The following FHIT variants were observed in gnomAD, a reference collection of about 807,000 sequenced individuals.
FHIT encodes bis(5'-adenosyl)-triphosphatase.
Under a neutral mutation model 17.9 loss-of-function variants are expected in FHIT, and 19 were observed. The observed-to-expected ratio is 1.06, with a 90% confidence interval of 0.74 to 1.56. FHIT has a LOEUF of 1.56. Ranked by LOEUF, FHIT falls within the 40% of genes most tolerant of loss-of-function variation. FHIT has a pLI of 0.00. For synonymous variants in FHIT, 81 were observed against 69.7 expected (o/e 1.16, Z -0.81); for missense variants, 248 against 189.2 (o/e 1.31, Z -1.82).
At chr3:60,679,629 CTTAA>C (rs1485639277) in intron 4 of FHIT, among the ~76,000 whole-genome samples, 1 of 151,918 alleles carries the variant, frequency 6.6e-6, no homozygotes, top group African/African-American at 2.4e-5. Flanking sequence ...ATTTAGAGTA[CTTAA>C]TTATTCTATA....
At chr3:61,035,852 T>C (rs1392565483) in intron 3 of FHIT, among the ~76,000 whole-genome samples, 1 of 152,236 alleles carries the variant, frequency 6.6e-6, no homozygotes, top group Non-Finnish European at 1.5e-5. Context: ...CTCACTCTTC[T>C]GGCTCCTCAG....
chr3:60,823,315 C>T (rs926341606), intron 3 of FHIT, among the ~76,000 whole-genome samples: 3 of 152,142 alleles, frequency 2.0e-5, no homozygotes, highest in African/African-American at 7.2e-5. Context: ...CCCTCCCCAT[C>T]AGGAAAAAAG....
At chr3:61,021,913 C>T (rs945274852) in intron 3 of FHIT, among the ~76,000 whole-genome samples, 3 of 152,006 alleles carry the variant, frequency 2.0e-5, no homozygotes, top group Admixed American at 6.6e-5. Flanking sequence ...AAAATCGACA[C>T]CCTAACCTCA....
chr3:60,756,099 C>A (rs1553718197), intron 4 of FHIT, among the ~76,000 whole-genome samples: 1 of 152,184 alleles, frequency 6.6e-6, no homozygotes, highest in Admixed American at 6.5e-5. Flanking sequence ...ATACCTGGCA[C>A]AGAGAATGCA....
chr3:60,600,359 T>TTA (rs1553668328), intron 4 of FHIT, among the ~76,000 whole-genome samples: 206 of 22,048 alleles, frequency 9.3e-3, no homozygotes, highest in African/African-American at 0.091. Context: ...TTGTTTTCAT[T>TTA]TGTGTAAGAA....
intron 2 of FHIT, among the ~76,000 whole-genome samples, chr3:61,099,036 T>A (rs1325927981): frequency 6.6e-6 from 1 of 152,208 alleles, no homozygotes; most frequent in Non-Finnish European, 1.5e-5. Flanking sequence ...GCCCATTTAG[T>A]ATGATGTTGG....
At position 60,776,157 on chromosome 3, in the gene FHIT, G is replaced by A. The variant is rs78763729; in HGVS notation, c.-18+45762C>T. On this transcript the variant is annotated intron_variant, in intron 4 of 9. Transcript: ENST00000492590. ...ATCTTGTTTTATATCCTGAGGGCAT[G>A]GCTGGTAATTGTGGCAAGGATTTGT... 9.7e-3 allele frequency among the ~76,000 whole-genome samples: 1,473 copies of A among 152,268 alleles called. 11 individuals carry two copies. Among genetic ancestry groups the A allele is most frequent in the Middle Eastern group, 0.014 (4 of 294 alleles).
At chr3:60,710,952 G>C (rs2041510872) in intron 4 of FHIT, among the ~76,000 whole-genome samples, 1 of 152,226 alleles carries the variant, frequency 6.6e-6, no homozygotes, top group Admixed American at 6.5e-5. Context: ...GGAGATCTGA[G>C]AATGGGCAGA....
intron 5 of FHIT, among the ~76,000 whole-genome samples, chr3:60,289,731 C>T (rs1327892188): frequency 6.6e-6 from 1 of 152,070 alleles, no homozygotes; most frequent in Non-Finnish European, 1.5e-5. Context: ...AATGATGTTC[C>T]GTGTTCTCCC....
rs1417543610 is a variant in FHIT, at chr3:59,771,228, C to G, written c.349-18907G>C. Among the ~76,000 whole-genome samples, 3 of 152,152 alleles carry G rather than the reference C, an allele frequency of 2.0e-5. No homozygotes were observed. In the East Asian group the frequency reaches 5.8e-4, roughly 30 times the overall value. On this transcript the variant is annotated intron_variant, in intron 8 of 9. Transcript: ENST00000492590. Reference sequence around the variant, plus strand: ...ATGAATCGAATTGCAGAAGGAAGAACAGGTGGGCTTTCCCAAGATGTCATA... The same window carrying G: ...ATGAATCGAATTGCAGAAGGAAGAAGAGGTGGGCTTTCCCAAGATGTCATA...
intron 7 of FHIT, among the ~76,000 whole-genome samples, chr3:59,987,313 G>C (rs1227228274): frequency 6.6e-6 from 1 of 151,586 alleles, no homozygotes; most frequent in Admixed American, 6.6e-5. Context: ...GTATAAATGA[G>C]CTTGGCTGTG....
At chr3:60,540,745 C>T (rs2036159934) in intron 4 of FHIT, among the ~76,000 whole-genome samples, 1 of 152,150 alleles carries the variant, frequency 6.6e-6, no homozygotes, top group African/African-American at 2.4e-5. Flanking sequence ...AGACAGAGAG[C>T]TGTGCAAATG....
intron 5 of FHIT, among the ~76,000 whole-genome samples, chr3:60,099,599 C>T (rs966075347): frequency 6.6e-6 from 1 of 152,132 alleles, no homozygotes; most frequent in Non-Finnish European, 1.5e-5. Flanking sequence ...TTCTGAATGC[C>T]CCCAATGAGG....
intron 3 of FHIT, among the ~76,000 whole-genome samples, chr3:60,904,913 T>C (rs1185138400): frequency 1.4e-5 from 2 of 142,772 alleles, no homozygotes; most frequent in Non-Finnish European, 1.5e-5. Flanking sequence ...CACTCCAGCC[T>C]GAGCAACAGA....
intron 3 of FHIT, among the ~76,000 whole-genome samples, chr3:61,017,104 T>C (rs1327394821): frequency 6.6e-6 from 1 of 152,100 alleles, no homozygotes; most frequent in Non-Finnish European, 1.5e-5. Context: ...CTGGCCAAAA[T>C]GGTGAAACAC....
At chr3:60,458,818 G>C (rs2032277835) in intron 5 of FHIT, among the ~76,000 whole-genome samples, 1 of 152,190 alleles carries the variant, frequency 6.6e-6, no homozygotes, top group South Asian at 2.1e-4. Flanking sequence ...CTGTCGCCCA[G>C]GCTGGAGTGC....
intron 5 of FHIT, among the ~76,000 whole-genome samples, chr3:60,130,432 T>A (rs1018911846): frequency 6.6e-6 from 1 of 152,102 alleles, no homozygotes; most frequent in African/African-American, 2.4e-5. Flanking sequence ...CCTCATTATG[T>A]CACTGAGAAA....
chr3:60,315,041 A>C (rs1709104468), intron 5 of FHIT, among the ~76,000 whole-genome samples: 2 of 152,180 alleles, frequency 1.3e-5, no homozygotes, highest in African/African-American at 4.8e-5. Context: ...CTAAGATAAG[A>C]AGTCTGCCAC....
chr3:60,097,559 TCCTC>T (rs1422261520), intron 5 of FHIT, among the ~76,000 whole-genome samples: 1 of 152,080 alleles, frequency 6.6e-6, no homozygotes, highest in Non-Finnish European at 1.5e-5. Flanking sequence ...CCCCTCCTCT[TCCTC>T]CTCCTTTACA....
Sources: allele counts gnomAD v4.1 joint callset (sites outside exome capture counted in the v4.1 genomes callset), GRCh38; gene constraint gnomAD v4.1.1; transcripts MANE v1.5; gene names NCBI Gene and HGNC (gene_info 2026-07-23, HGNC 2026-07-21).